The following NME7 variants were observed in gnomAD, a reference collection of about 807,000 sequenced individuals.
NME7 encodes the protein nucleoside diphosphate kinase 7.
In NME7, 41 loss-of-function variants were observed where a neutral mutation model predicts 49.1. The ratio of observed to expected loss-of-function variants is 0.83; its 90% CI spans 0.65 to 1.08. The LOEUF (loss-of-function observed/expected upper bound fraction) is 1.08, where lower values mean the gene tolerates loss of function less well. Among genes scored for constraint, NME7 ranks in the 50% least tolerant of loss-of-function variants. NME7 has a pLI of 0.00. For missense variants in NME7, 423 were observed against 463.4 expected, an observed-to-expected ratio of 0.91 and a Z score of 0.80; for synonymous variants, 139 against 150.6, an observed-to-expected ratio of 0.92 and a Z score of 0.56.
intron 7 of NME7, among the ~76,000 whole-genome samples, chr1:169,281,456 C>T (rs1650009265): frequency 6.6e-6 from 1 of 152,138 alleles, no homozygotes; most frequent in African/African-American, 2.4e-5. Context: ...CTTTCTCTTG[C>T]CTTATTGCCC....
intron 10 of NME7, among the ~76,000 whole-genome samples, chr1:169,199,452 TA>T (rs1321092768): frequency 2.1e-4 from 5 of 23,464 alleles, no homozygotes; most frequent in East Asian, 5.0e-3. Flanking sequence ...GGGTCTTTTT[TA>T]TTATTATTAT....
chr1:169,274,317 G>T lies in NME7; in HGVS notation c.754+12986C>A, dbSNP rs1379495003. Among the ~76,000 whole-genome samples the T allele has an allele frequency of 2.4e-5, 3 of 125,520 alleles. 1 individual carries two copies. Among genetic ancestry groups the T allele is most frequent in the African/African-American group, 9.2e-5 (3 of 32,518 alleles). 82.3% of individuals were successfully genotyped at this position (125,520 alleles called of 152,430 possible). A position where few individuals can be genotyped will look rare whatever the true frequency, so the allele number is the denominator to read the frequency against. On this transcript the variant is annotated intron_variant, in intron 7 of 11. Coordinates refer to ENST00000367811, the MANE Select transcript of NME7 (RefSeq NM_013330.5). ...TGTCCACTTTTTGATGGGGTTGTTTGTTTTTTTCTTGTAAATTTGTTTGAG... is the reference window on the plus strand; with the variant it reads ...TGTCCACTTTTTGATGGGGTTGTTTTTTTTTTTCTTGTAAATTTGTTTGAG...
intron 1 of NME7, among the ~76,000 whole-genome samples, chr1:169,330,302 A>G (rs1652204799): frequency 6.6e-6 from 1 of 152,214 alleles, no homozygotes; most frequent in Non-Finnish European, 1.5e-5. Context: ...ACAGGATATT[A>G]TAACACTGTA....
At chr1:169,187,861 G>A (rs767228851) in intron 10 of NME7, among the ~76,000 whole-genome samples, 1 of 152,128 alleles carries the variant, frequency 6.6e-6, no homozygotes, top group Non-Finnish European at 1.5e-5. Flanking sequence ...TTAAAATTTG[G>A]TATGTTTTTG....
rs574374610 is a variant in NME7 at position 169,265,017 on chromosome 1, A to G, written c.754+22286T>C. On this transcript the variant is annotated intron_variant, in intron 7 of 11. Coordinates refer to ENST00000367811, the MANE Select transcript of NME7 (RefSeq NM_013330.5). ...AGAAGTGCAGAGTAAAAGAGGGAAAAGCCCCTTATAAAACCATCAGATCTC... is the reference window on the plus strand; with the variant it reads ...AGAAGTGCAGAGTAAAAGAGGGAAAGGCCCCTTATAAAACCATCAGATCTC... Among the ~76,000 whole-genome samples, 85 of 133,044 alleles carry G rather than the reference A, an allele frequency of 6.4e-4. 11 individuals are homozygous for G. The highest frequency in any genetic ancestry group is 2.0e-3 in the African/African-American group (80 of 39,430). 87.3% of individuals were successfully genotyped at this position (133,044 alleles called of 152,430 possible).
At chr1:169,231,929 A>T (rs1005411427) in intron 9 of NME7, among the ~76,000 whole-genome samples, 5 of 151,368 alleles carry the variant, frequency 3.3e-5, no homozygotes, top group Admixed American at 2.6e-4. Context: ...TAAATTTTAC[A>T]ATATACAGTA....
chr1:169,223,012 A>G (rs897812989), intron 10 of NME7, among the ~76,000 whole-genome samples: 1 of 152,188 alleles, frequency 6.6e-6, no homozygotes, highest in Non-Finnish European at 1.5e-5. Flanking sequence ...ATTTATGGCC[A>G]AAGTATCCTG....
At chr1:169,290,158 A>C (rs1448400758) in intron 6 of NME7, among the ~76,000 whole-genome samples, 1 of 152,072 alleles carries the variant, frequency 6.6e-6, no homozygotes, top group Non-Finnish European at 1.5e-5. Flanking sequence ...TTTCCTGGTA[A>C]TTTCACTAAA....
intron 7 of NME7, among the ~76,000 whole-genome samples, chr1:169,251,488 T>C (rs893330990): frequency 3.3e-5 from 5 of 152,052 alleles, no homozygotes; most frequent in South Asian, 2.1e-4. Context: ...AATGTTAATA[T>C]TGAGATGTGA....
intron 7 of NME7, among the ~76,000 whole-genome samples, chr1:169,253,455 A>G (rs1648734607): frequency 6.6e-6 from 1 of 151,642 alleles, no homozygotes; most frequent in African/African-American, 2.4e-5. Context: ...GCTTAAGGAG[A>G]TTTTGGGCTG....
intron 11 of NME7, among the ~76,000 whole-genome samples, chr1:169,148,191 C>T (rs1330984091): frequency 6.6e-6 from 1 of 151,972 alleles, no homozygotes; most frequent in African/African-American, 2.4e-5. Context: ...TTTGTAGAGC[C>T]AAGATTTTGC....
intron 11 of NME7, among the ~76,000 whole-genome samples, chr1:169,142,605 C>G (rs1431516555): frequency 2.0e-5 from 3 of 152,158 alleles, no homozygotes; most frequent in Non-Finnish European, 4.4e-5. Context: ...CCCAGGATTA[C>G]TAGTTAGGAG....
At chr1:169,167,880 G>A (rs1011847924) in intron 11 of NME7, among the ~76,000 whole-genome samples, 3 of 152,204 alleles carry the variant, frequency 2.0e-5, no homozygotes, top group African/African-American at 7.2e-5. Flanking sequence ...CACTTTGAGT[G>A]CTATTGTTAT....
At chr1:169,328,698 G>T (rs1652152829) in intron 1 of NME7, among the ~76,000 whole-genome samples, 1 of 152,094 alleles carries the variant, frequency 6.6e-6, no homozygotes, top group South Asian at 2.1e-4. Context: ...ATAAATCAGA[G>T]CCAAAGTACA....
intron 10 of NME7, among the ~76,000 whole-genome samples, chr1:169,198,219 T>A (rs897687482): frequency 1.3e-5 from 2 of 152,022 alleles, no homozygotes; most frequent in Admixed American, 6.6e-5. Context: ...CTGGTGAGAA[T>A]ATGGAGAAGT....
chr1:169,146,226 T>C (rs1658745549), intron 11 of NME7, among the ~76,000 whole-genome samples: 1 of 152,168 alleles, frequency 6.6e-6, no homozygotes, highest in Non-Finnish European at 1.5e-5. Context: ...TACTACACAT[T>C]TGTCTCAAAT....
At chr1:169,247,381 G>T (rs1205893440) in intron 7 of NME7, among the ~76,000 whole-genome samples, 1 of 152,126 alleles carries the variant, frequency 6.6e-6, no homozygotes, top group Non-Finnish European at 1.5e-5. Flanking sequence ...TATGTGGTTG[G>T]AGTAAGCAAA....
intron 10 of NME7, among the ~76,000 whole-genome samples, chr1:169,174,663 A>C (rs1448031254): frequency 2.0e-5 from 3 of 152,204 alleles, no homozygotes; most frequent in African/African-American, 7.2e-5. Flanking sequence ...GCATGTTGCT[A>C]TACTGAATAT....
At chr1:169,211,040 A>T (rs1459340736) in intron 10 of NME7, among the ~76,000 whole-genome samples, 1 of 151,818 alleles carries the variant, frequency 6.6e-6, no homozygotes, top group Non-Finnish European at 1.5e-5. Context: ...GCTCCAGATC[A>T]TTAGTTCTTT....
Sources: gnomAD v4.1 joint callset for allele counts (sites outside exome capture counted in the v4.1 genomes callset) on GRCh38, gnomAD v4.1.1 for gene constraint, MANE v1.5 for transcripts, NCBI Gene and HGNC (gene_info 2026-07-23, HGNC 2026-07-21) for gene names.